Variants in ANKRD30B observed in about 807,000 individuals in gnomAD.
ANKRD30B encodes the protein ankyrin repeat domain-containing protein 30B.
Under a neutral mutation model 202.2 loss-of-function variants are expected in ANKRD30B, and 144 were observed. The ratio of observed to expected loss-of-function variants is 0.71; its 90% CI spans 0.62 to 0.82. ANKRD30B has a LOEUF of 0.82. Ranked by LOEUF, ANKRD30B falls within the 40% of genes least tolerant of loss-of-function variation. The probability of loss-of-function intolerance (pLI) is 0.00; values close to 1 mark genes in which losing one functional copy is unlikely to be tolerated. For missense variants in ANKRD30B, 1,487 were observed against 1,669.1 expected (o/e 0.89, Z 1.90); for synonymous variants, 508 against 561.3 (o/e 0.91, Z 1.34).
the ANKRD30B span, among the ~76,000 whole-genome samples, chr18:14,937,078 C>A: frequency 6.6e-6 from 1 of 152,184 alleles, no homozygotes; most frequent in African/African-American, 2.4e-5. Context: ...AGTCCATGAC[C>A]TGGGAACATA....
At chr18:14,875,598 A>G in the ANKRD30B span, among the ~76,000 whole-genome samples, 2 of 152,192 alleles carry the variant, frequency 1.3e-5, no homozygotes, top group African/African-American at 4.8e-5. Context: ...AGGCTCCTCC[A>G]TGTCCACAGT....
chr18:14,770,445 A>G (rs964600837), intron 8 of ANKRD30B, among the ~76,000 whole-genome samples: 1 of 152,160 alleles, frequency 6.6e-6, no homozygotes, highest in Non-Finnish European at 1.5e-5. Context: ...TTTTTATATC[A>G]TCATGTAGGT....
chr18:14,922,419 G>A, the ANKRD30B span, among the ~76,000 whole-genome samples: 1 of 152,104 alleles, frequency 6.6e-6, no homozygotes, highest in African/African-American at 2.4e-5. Flanking sequence ...ACTTTGGGAG[G>A]CCGAGGCAGG....
chr18:14,819,120 G>T (rs1309970196), intron 30 of ANKRD30B, among the ~76,000 whole-genome samples: 2 of 151,156 alleles, frequency 1.3e-5, no homozygotes, highest in Non-Finnish European at 3.0e-5. Flanking sequence ...CAGTGATGAT[G>T]AGCATTTTTT....
At chr18:14,837,094 G>GT in intron 34 of ANKRD30B, 117 bp from the exon 35 acceptor site, 1 of 643,164 alleles carries the variant, frequency 1.6e-6, no homozygotes, top group Non-Finnish European at 2.7e-6. Context: ...TACAAAGTAT[G>GT]TTTTTTGTTG....
At chr18:14,875,438 G>A in the ANKRD30B span, among the ~76,000 whole-genome samples, 2,262 of 152,194 alleles carry the variant, frequency 0.015, 46 homozygotes, top group African/African-American at 0.051. Flanking sequence ...GAAAGTGAAG[G>A]GGCTTTCCCA....
intron 39 of ANKRD30B, among the ~76,000 whole-genome samples, chr18:14,844,404 A>T (rs918922547): frequency 1.3e-5 from 2 of 152,188 alleles, no homozygotes; most frequent in African/African-American, 4.8e-5. Flanking sequence ...TATTTCCCTG[A>T]AACAGTGCAG....
chr18:14,938,900 A>G, the ANKRD30B span, among the ~76,000 whole-genome samples: 1 of 152,296 alleles, frequency 6.6e-6, no homozygotes, highest in South Asian at 2.1e-4. Flanking sequence ...AGGGTATAAT[A>G]AAGACAGCTT....
At chr18:14,929,214 T>C in the ANKRD30B span, among the ~76,000 whole-genome samples, 1 of 152,224 alleles carries the variant, frequency 6.6e-6, no homozygotes, top group Non-Finnish European at 1.5e-5. Flanking sequence ...CGACCTTTTC[T>C]TTCTCTTGCC....
At chr18:14,819,675 A>G (rs2144103956) in intron 30 of ANKRD30B, among the ~76,000 whole-genome samples, 1 of 151,864 alleles carries the variant, frequency 6.6e-6, no homozygotes, top group East Asian at 1.9e-4. Flanking sequence ...ATAGTTGTAG[A>G]TATGTGGCGT....
chr18:14,793,931 C>G (rs555246906), intron 16 of ANKRD30B, among the ~76,000 whole-genome samples: 4 of 152,036 alleles, frequency 2.6e-5, no homozygotes, highest in African/African-American at 9.6e-5. Flanking sequence ...TTTTTACTTT[C>G]CACCACATTT....
chr18:14,867,042 C>T, the ANKRD30B span, among the ~76,000 whole-genome samples: 4 of 74,514 alleles, frequency 5.4e-5, no homozygotes, highest in Non-Finnish European at 7.6e-5. Context: ...AAGGTGGGGT[C>T]GGGGGGTTGG....
chr18:14,796,780 G>C (rs111810880), intron 18 of ANKRD30B, among the ~76,000 whole-genome samples: 1 of 136,666 alleles, frequency 7.3e-6, no homozygotes, highest in Admixed American at 7.6e-5. Context: ...ACAATTCACT[G>C]GATATACCCA....
chr18:14,771,682 A>T (rs1373398575), intron 8 of ANKRD30B, among the ~76,000 whole-genome samples: 1 of 152,182 alleles, frequency 6.6e-6, no homozygotes, highest in African/African-American at 2.4e-5. Flanking sequence ...TTTTCCAGTG[A>T]CACAGATTAG....
the ANKRD30B span, among the ~76,000 whole-genome samples, chr18:14,927,039 T>TC: frequency 6.6e-6 from 1 of 152,154 alleles, no homozygotes; most frequent in Non-Finnish European, 1.5e-5. Context: ...TTTCTTCTTC[T>TC]CTTTTTTTTT....
chr18:14,820,091 T>G (rs1333551313), intron 30 of ANKRD30B, among the ~76,000 whole-genome samples: 19 of 152,194 alleles, frequency 1.2e-4, no homozygotes, highest in Admixed American at 6.5e-5. Flanking sequence ...CCTTGTAAGT[T>G]GGATTCCTAT....
intron 26 of ANKRD30B, 87 bp downstream of exon 26, chr18:14,808,831 T>C: frequency 1.5e-6 from 2 of 1,293,110 alleles, no homozygotes; most frequent in Non-Finnish European, 2.1e-6. Context: ...CAATGTTGTT[T>C]TCTTTAGAAA....
At chr18:14,872,779 G>A in the ANKRD30B span, among the ~76,000 whole-genome samples, 1 of 152,142 alleles carries the variant, frequency 6.6e-6, no homozygotes, top group Non-Finnish European at 1.5e-5. Context: ...CACTTCACAT[G>A]AGACTGTGCA....
At chr18:14,807,357 G>T (rs1030836396) in intron 24 of ANKRD30B, among the ~76,000 whole-genome samples, 2 of 150,686 alleles carry the variant, frequency 1.3e-5, no homozygotes, top group Non-Finnish European at 3.0e-5. Flanking sequence ...TTAACAACTC[G>T]CATGGTATAA....
Sources: allele counts gnomAD v4.1 joint callset (sites outside exome capture counted in the v4.1 genomes callset), GRCh38; gene constraint gnomAD v4.1.1; transcripts MANE v1.5; gene names NCBI Gene and HGNC (gene_info 2026-07-23, HGNC 2026-07-21).